Variants in PLXNA4 observed in about 807,000 individuals in gnomAD.
PLXNA4 encodes the protein plexin-A4.
In PLXNA4, 44 loss-of-function variants were observed where a neutral mutation model predicts 191.8. That is an observed-to-expected ratio of 0.23 (90% CI 0.18 to 0.29). The LOEUF is 0.29. Ranked by LOEUF, PLXNA4 falls within the 10% of genes least tolerant of loss-of-function variation. The probability of loss-of-function intolerance (pLI) is 1.00; values close to 1 mark genes in which losing one functional copy is unlikely to be tolerated. For synonymous variants in PLXNA4, 1,082 were observed against 1,009.5 expected (o/e 1.07, Z -1.36); for missense variants, 1,800 against 2,488.8 (o/e 0.72, Z 5.89).
At chr7:132,613,567 T>C (rs1803094182) in intron 2 of PLXNA4, among the ~76,000 whole-genome samples, 1 of 152,070 alleles carries the variant, frequency 6.6e-6, no homozygotes, top group Non-Finnish European at 1.5e-5. Context: ...GATATGGCAA[T>C]GGGGGTGAGA....
In PLXNA4 at chr7:132,178,942, C is replaced by T. The variant is rs548041945; in HGVS notation, c.3874+745G>A. 5.1e-4 allele frequency among the ~76,000 whole-genome samples: 61 copies of T among 120,680 alleles called. 3 individuals are homozygous for T. Among genetic ancestry groups the T allele is most frequent in the East Asian group, 1.2e-3 (5 of 4,218 alleles). The allele number at this position is 120,680 out of a possible 152,430, so 79.2% of individuals were successfully genotyped here. A position where few individuals can be genotyped will look rare whatever the true frequency, so the allele number is the denominator to read the frequency against. On this transcript the variant is annotated intron_variant, in intron 20 of 31. Transcript: ENST00000321063. Reference sequence around the variant, plus strand: ...AATGAAACACATACGCATACACACACGTGCACACACACACAGCCTCCAGCA... The same window carrying T: ...AATGAAACACATACGCATACACACATGTGCACACACACACAGCCTCCAGCA...
chr7:132,223,476 T>C, intron 9 of PLXNA4, 51 bp downstream of exon 9: 1 of 1,460,902 alleles, frequency 6.8e-7, no homozygotes. Flanking sequence ...CTCTTCTGTG[T>C]CCCATGCTCA....
intron 3 of PLXNA4, among the ~76,000 whole-genome samples, chr7:132,458,403 A>C (rs1490470955): frequency 6.6e-6 from 1 of 151,938 alleles, no homozygotes; most frequent in East Asian, 1.9e-4. Context: ...CAAAAACTGA[A>C]AGTTATTCAA....
chr7:132,165,273 G>T lies in PLXNA4; in HGVS notation c.4287-73C>A, dbSNP rs1796088880. On this transcript the variant is annotated intron_variant, in intron 22 of 31. Coordinates refer to ENST00000321063, the MANE Select transcript of PLXNA4 (RefSeq NM_020911.2). Reference sequence around the variant, plus strand: ...GCAGCTGGTCAGAGCCCGTGGGCTGGGAAGGGCAAGGGAGGAATTGTGCAT... The same window carrying T: ...GCAGCTGGTCAGAGCCCGTGGGCTGTGAAGGGCAAGGGAGGAATTGTGCAT... The T allele has an allele frequency of 1.9e-5, 30 of 1,556,850 alleles. No homozygotes were observed. The South Asian group carries it at 3.6e-4, about 19-fold the overall frequency.
chr7:132,588,832 GGGAA>G (rs539236592), intron 2 of PLXNA4, among the ~76,000 whole-genome samples: 231 of 148,946 alleles, frequency 1.6e-3, no homozygotes, highest in East Asian at 3.7e-3. Flanking sequence ...AGAGGAAGGA[GGGAA>G]GGAAGGAAGG....
intron 3 of PLXNA4, among the ~76,000 whole-genome samples, chr7:132,368,639 G>T (rs567980307): frequency 1.3e-5 from 2 of 152,300 alleles, no homozygotes; most frequent in South Asian, 2.1e-4. Context: ...GGTGTGGCGC[G>T]TCCTGCTGGG....
At chr7:132,179,620 A>G (rs57665981) in intron 20 of PLXNA4, 67 bp downstream of exon 20, 149,049 of 1,569,780 alleles carry the variant, frequency 0.095, 12,509 homozygotes, top group African/African-American at 0.46. Flanking sequence ...ACATACACAG[A>G]TGTGCATGCA....
intron 1 of PLXNA4, among the ~76,000 whole-genome samples, chr7:132,510,994 G>C (rs1321730640): frequency 6.6e-6 from 1 of 151,770 alleles, no homozygotes; most frequent in Non-Finnish European, 1.5e-5. Context: ...CCCCAGAGAG[G>C]AGCCTCTCCC....
At chr7:132,159,417 T>A (rs1584776708) in intron 25 of PLXNA4, 56 bp downstream of exon 25, 1 of 1,595,614 alleles carries the variant, frequency 6.3e-7, no homozygotes, top group Non-Finnish European at 8.5e-7. Flanking sequence ...CAGGAGAAGG[T>A]GAGGTGTGTT....
chr7:132,155,706 C>T (rs550089912), intron 25 of PLXNA4, among the ~76,000 whole-genome samples: 103 of 152,300 alleles, frequency 6.8e-4, no homozygotes, highest in Admixed American at 1.1e-3. Context: ...GCTGTCCTTC[C>T]CCAGCTTCCA....
intron 4 of PLXNA4, among the ~76,000 whole-genome samples, chr7:132,254,312 A>G (rs953160646): frequency 6.6e-6 from 1 of 152,198 alleles, no homozygotes; most frequent in Non-Finnish European, 1.5e-5. Flanking sequence ...CGCAACTTCT[A>G]ATGATGAATT....
intron 5 of PLXNA4, among the ~76,000 whole-genome samples, chr7:132,236,358 C>T (rs531529293): frequency 4.2e-4 from 64 of 152,278 alleles, no homozygotes; most frequent in African/African-American, 1.5e-3. Context: ...ATGCTACCAC[C>T]ACCTCACTCC....
intron 2 of PLXNA4, among the ~76,000 whole-genome samples, chr7:132,620,502 C>T (rs987483262): frequency 3.0e-4 from 46 of 151,884 alleles, no homozygotes; most frequent in Admixed American, 3.0e-3. Flanking sequence ...TATTAAAATC[C>T]AAACAATAAA....
intron 2 of PLXNA4, among the ~76,000 whole-genome samples, chr7:132,637,169 C>T (rs1487146186): frequency 6.6e-6 from 1 of 152,186 alleles, no homozygotes; most frequent in Non-Finnish European, 1.5e-5. Flanking sequence ...TGTCTATCCC[C>T]TCCCCTATTC....
intron 24 of PLXNA4, among the ~76,000 whole-genome samples, chr7:132,161,232 C>T (rs1162210214): frequency 6.6e-6 from 1 of 152,252 alleles, no homozygotes; most frequent in African/African-American, 2.4e-5. Context: ...GGGGCAGAGG[C>T]TGCCACCTAA....
At chr7:132,266,749 A>C (rs1047932285) in intron 4 of PLXNA4, among the ~76,000 whole-genome samples, 5 of 152,238 alleles carry the variant, frequency 3.3e-5, no homozygotes, top group Non-Finnish European at 4.4e-5. Context: ...TGGCTGCACC[A>C]AGTGATTTCT....
chr7:132,647,840 AAC>A (rs200807854), intron 1 of PLXNA4, among the ~76,000 whole-genome samples: 5,819 of 151,580 alleles, frequency 0.038, 386 homozygotes, highest in African/African-American at 0.13. Context: ...TACACTCATA[AAC>A]ACACACTATC....
intron 30 of PLXNA4, among the ~76,000 whole-genome samples, chr7:132,138,146 A>G (rs1795166939): frequency 6.6e-6 from 1 of 152,150 alleles, no homozygotes; most frequent in Non-Finnish European, 1.5e-5. Flanking sequence ...ACCTGCTCTG[A>G]AGAGAGGACC....
chr7:132,471,215 C>T (rs1381501033), intron 3 of PLXNA4, among the ~76,000 whole-genome samples: 2 of 152,166 alleles, frequency 1.3e-5, no homozygotes, highest in African/African-American at 4.8e-5. Context: ...CTGTAAGCTT[C>T]CTGAGGCGTG....
Sources: allele counts gnomAD v4.1 joint callset (sites outside exome capture counted in the v4.1 genomes callset), GRCh38; gene constraint gnomAD v4.1.1; transcripts MANE v1.5; gene names NCBI Gene and HGNC (gene_info 2026-07-23, HGNC 2026-07-21).